CTTNBP2: variants seen among roughly 807,000 people sequenced by gnomAD.
CTTNBP2 encodes the protein cortactin binding protein 2.
CTTNBP2 carries 108 observed loss-of-function variants against 156.9 expected under a neutral mutation model. The observed-to-expected ratio is 0.69, with a 90% confidence interval of 0.59 to 0.81. The LOEUF is 0.81. Among genes scored for constraint, CTTNBP2 ranks in the 30% least tolerant of loss-of-function variants. CTTNBP2 has a pLI of 0.00. For missense variants in CTTNBP2, 1,924 were observed against 2,035.4 expected (o/e 0.95, Z 1.05); for synonymous variants, 767 against 751.8 (o/e 1.02, Z -0.33).
At chr7:117,833,161 C>T (rs577836138) in intron 2 of CTTNBP2, among the ~76,000 whole-genome samples, 2 of 152,266 alleles carry the variant, frequency 1.3e-5, no homozygotes, top group African/African-American at 4.8e-5. Flanking sequence ...GCAGTCCCTA[C>T]AGCCCAGGAA....
At chr7:117,850,056 T>C (rs971128975) in intron 2 of CTTNBP2, among the ~76,000 whole-genome samples, 1 of 152,226 alleles carries the variant, frequency 6.6e-6, no homozygotes, top group Non-Finnish European at 1.5e-5. Flanking sequence ...CTAAATAGCA[T>C]GCCTAGCAGT....
chr7:117,717,840 A>AAAATATTCTATAAGTACTCTTTCT (rs1794524117), intron 22 of CTTNBP2, among the ~76,000 whole-genome samples, 178 bp downstream of exon 22: 4 of 152,062 alleles, frequency 2.6e-5, no homozygotes, highest in Admixed American at 2.0e-4. Flanking sequence ...ATTTTTTTCC[A>AAAATATTCTATAAGTACTCTTTCT]AAATATTCTA....
At chr7:117,803,179 C>T (rs1192523763) in intron 3 of CTTNBP2, among the ~76,000 whole-genome samples, 1 of 152,140 alleles carries the variant, frequency 6.6e-6, no homozygotes, top group Non-Finnish European at 1.5e-5. Context: ...TACATATACA[C>T]CATATACGCC....
chr7:117,716,990 C>A (rs1239695320), intron 22 of CTTNBP2, among the ~76,000 whole-genome samples: 1 of 147,912 alleles, frequency 6.8e-6, no homozygotes, highest in Admixed American at 6.8e-5. Context: ...TTGCCGTTCT[C>A]ATCTACTCCC....
chr7:117,726,942 C>T (rs978320891), intron 17 of CTTNBP2, among the ~76,000 whole-genome samples: 2 of 152,136 alleles, frequency 1.3e-5, no homozygotes, highest in Non-Finnish European at 2.9e-5. Context: ...GGGTAAAAAT[C>T]TTGGGACCTC....
chr7:117,760,365 G>C lies in CTTNBP2; in HGVS notation c.3172+70C>G, dbSNP rs1248401599. On this transcript the variant is annotated intron_variant, in intron 10 of 22. Transcript: ENST00000160373. Reference sequence around the variant, plus strand: ...TGCTTAATCAATGAACTAAGAATCAGGTTATGAAACCCACAAACATAAATA... The same window carrying C: ...TGCTTAATCAATGAACTAAGAATCACGTTATGAAACCCACAAACATAAATA... 17 of 1,466,152 alleles carry C rather than the reference G, an allele frequency of 1.2e-5. No individual in the cohort carries two copies. The East Asian group carries it at 3.7e-4, about 32-fold the overall frequency. The allele number at this position is 1,466,152 out of a possible 1,614,324, so 90.8% of individuals were successfully genotyped here. A position where few individuals can be genotyped will look rare whatever the true frequency, so the allele number is the denominator to read the frequency against.
In CTTNBP2 at chr7:117,863,967, G is replaced by A. The variant is rs1359457400; in HGVS notation, c.82-2651C>T. On this transcript the variant is annotated intron_variant, in intron 1 of 22. Coordinates refer to ENST00000160373, the MANE Select transcript of CTTNBP2 (RefSeq NM_033427.3). ...TAATGCTTTATTAATGATGCTGCTG[G>A]TTGCTCTAAAGATTTTAATTAATTG... Among the ~76,000 whole-genome samples the A allele has an allele frequency of 4.6e-5, 7 of 152,198 alleles. 1 individual carries two copies. Among genetic ancestry groups the A allele is most frequent in the Admixed American group, 2.6e-4 (4 of 15,296 alleles).
chr7:117,714,215 T>C (rs573375593), intron 22 of CTTNBP2: 2 of 152,326 alleles, frequency 1.3e-5, no homozygotes, highest in Admixed American at 6.5e-5. Flanking sequence ...AGAAGTTACA[T>C]TGCTTGTCAT....
At chr7:117,760,127 G>C (rs900621990) in intron 10 of CTTNBP2, 1 of 367,824 alleles carries the variant, frequency 2.7e-6, no homozygotes, top group African/African-American at 2.0e-5. Context: ...TTGCGCAAAA[G>C]CAAGCAGCTG....
intron 2 of CTTNBP2, among the ~76,000 whole-genome samples, chr7:117,848,389 C>T (rs1353575342): frequency 6.6e-6 from 1 of 152,118 alleles, no homozygotes; most frequent in Non-Finnish European, 1.5e-5. Flanking sequence ...AAGCATCCTG[C>T]CTCTCACTTA....
At chr7:117,751,455 C>T (rs1160761009) in intron 12 of CTTNBP2, among the ~76,000 whole-genome samples, 2 of 152,210 alleles carry the variant, frequency 1.3e-5, no homozygotes, top group African/African-American at 4.8e-5. Flanking sequence ...TTTCATTCCA[C>T]CCATATCTGA....
At chr7:117,757,140 C>G (rs1796927901) in intron 11 of CTTNBP2, among the ~76,000 whole-genome samples, 1 of 152,202 alleles carries the variant, frequency 6.6e-6, no homozygotes, top group Admixed American at 6.5e-5. Flanking sequence ...GGGGTGGCCT[C>G]ACACTTTTCT....
intron 22 of CTTNBP2, among the ~76,000 whole-genome samples, chr7:117,717,519 C>T (rs34761495): frequency 6.6e-6 from 1 of 152,128 alleles, no homozygotes. Context: ...GCAGGCCATT[C>T]TAAGTAGCAT....
rs1802588576 is a variant in CTTNBP2, at chr7:117,846,370, T to G, written c.189+14839A>C. 1.3e-5 allele frequency among the ~76,000 whole-genome samples: 2 copies of G among 152,168 alleles called. 1 individual carries two copies. The highest frequency in any genetic ancestry group is 4.8e-5 in the African/African-American group (2 of 41,442). ...CTGTTGTATAACTCGTTTATAATTA[T>G]GTTATGGTGGTAGGTTTATGGGTAA... On this transcript the variant is annotated intron_variant, in intron 2 of 22. Coordinates refer to ENST00000160373, the MANE Select transcript of CTTNBP2 (RefSeq NM_033427.3).
chr7:117,820,963 T>C (rs1800927240), intron 2 of CTTNBP2, among the ~76,000 whole-genome samples: 1 of 152,196 alleles, frequency 6.6e-6, no homozygotes, highest in African/African-American at 2.4e-5. Flanking sequence ...GTTTTGAATA[T>C]ATTTTGTTAG....
intron 11 of CTTNBP2, among the ~76,000 whole-genome samples, chr7:117,757,528 T>TAAAAAAAAAAAAAAAAAAA (rs56687697): frequency 1.1e-5 from 1 of 91,442 alleles, no homozygotes; most frequent in Non-Finnish European, 2.2e-5. Context: ...TTAAGCACAG[T>TAAAAAAAAAAAAAAAAAAA]AAAAAAAAAA....
chr7:117,765,761 T>C (rs973863498), intron 9 of CTTNBP2, among the ~76,000 whole-genome samples: 45 of 152,312 alleles, frequency 3.0e-4, no homozygotes, highest in African/African-American at 9.9e-4. Context: ...CCAGACTCTC[T>C]ATAGGTTGAT....
rs760759996 is a variant in CTTNBP2, at chr7:117,777,693, T to C, written c.2596A>G (p.Arg866Gly). 6 of 1,613,982 alleles carry C rather than the reference T, an allele frequency of 3.7e-6. No homozygotes were observed. The South Asian group carries it at 4.4e-5, about 12-fold the overall frequency. The change falls in exon 8 of 23, where the codon AGA becomes GGA. Residue 866 changes from arginine to glycine, a missense_variant. Arg to Gly is a moderately radical substitution (Grantham distance 125). Transcript: ENST00000160373. ...VDSLKLLMYH[R>G]IPAHGNSFNE... Reference sequence around the variant, plus strand: ...AAAGAATTTCCATGAGCTGGTATTCTATGGTACATAAGAAGCTTGAGGCTG... The same window carrying C: ...AAAGAATTTCCATGAGCTGGTATTCCATGGTACATAAGAAGCTTGAGGCTG...
chr7:117,714,376 A>G (rs1199201175), intron 22 of CTTNBP2: 1 of 152,242 alleles, frequency 6.6e-6, no homozygotes, highest in African/African-American at 2.4e-5. Flanking sequence ...TTTGGTTTAA[A>G]ACACCAGCAA....
Sources: gnomAD v4.1 joint callset for allele counts (sites outside exome capture counted in the v4.1 genomes callset) on GRCh38, gnomAD v4.1.1 for gene constraint, MANE v1.5 for transcripts, NCBI Gene and HGNC (gene_info 2026-07-23, HGNC 2026-07-21) for gene names.